Variants in NPAS3 observed in about 807,000 individuals in gnomAD.
The protein encoded by NPAS3 is neuronal PAS domain-containing protein 3.
A neutral mutation model predicts 73.1 loss-of-function variants in NPAS3; 14 were observed. That is an observed-to-expected ratio of 0.19 (90% CI 0.13 to 0.30). NPAS3 has a LOEUF of 0.30. Among genes scored for constraint, NPAS3 ranks in the 10% least tolerant of loss-of-function variants. NPAS3 has a pLI of 1.00. For missense variants in NPAS3, 1,096 were observed against 1,250.0 expected (o/e 0.88, Z 1.86); for synonymous variants, 620 against 541.5 (o/e 1.14, Z -2.01).
intron 4 of NPAS3, among the ~76,000 whole-genome samples, chr14:33,496,561 A>C (rs1252211892): frequency 2.0e-5 from 3 of 152,188 alleles, no homozygotes; most frequent in Admixed American, 1.3e-4. Context: ...CAAATAAATA[A>C]ACGTAATCCA....
At chr14:33,776,650 A>G (rs61335936) in intron 8 of NPAS3, among the ~76,000 whole-genome samples, 8,802 of 151,408 alleles carry the variant, frequency 0.058, 804 homozygotes, top group African/African-American at 0.2. Context: ...ACCTGTATGA[A>G]AGGTAATTGC....
At chr14:33,133,507 A>C (rs1025448305) in intron 2 of NPAS3, among the ~76,000 whole-genome samples, 1 of 152,200 alleles carries the variant, frequency 6.6e-6, no homozygotes, top group Non-Finnish European at 1.5e-5. Context: ...GTAACTTCCC[A>C]ACTAAACTCT....
rs371296516 is a variant in NPAS3 at position 33,748,154 on chromosome 14, A to G, written c.852+12822A>G. Among the ~76,000 whole-genome samples, 8 of 152,358 alleles carry G rather than the reference A, an allele frequency of 5.3e-5. No individual in the cohort carries two copies. The East Asian group carries it at 9.6e-4, about 18-fold the overall frequency. On this transcript the variant is annotated intron_variant, in intron 7 of 11. Coordinates refer to ENST00000356141, the Ensembl canonical transcript of NPAS3. ...TATTAGACATGATTTGTACTAAGCC[A>G]GAACATATTTCTTCCTTGGGTCAGT...
chr14:33,517,764 C>T (rs556960084), intron 4 of NPAS3, among the ~76,000 whole-genome samples: 1 of 152,198 alleles, frequency 6.6e-6, no homozygotes, highest in South Asian at 2.1e-4. Context: ...CATATTTGCC[C>T]ATCTAGTTCC....
chr14:33,776,521 TAAAAAAAAAAAAAA>T (rs552348267), intron 8 of NPAS3, among the ~76,000 whole-genome samples: 22 of 32,054 alleles, frequency 6.9e-4, no homozygotes, highest in East Asian at 2.2e-3. Flanking sequence ...TTCTTCCTCT[TAAAAAAAAAAAAAA>T]AAAAAAAAAA....
chr14:33,130,507 A>G (rs2139102273), intron 2 of NPAS3, among the ~76,000 whole-genome samples: 1 of 152,306 alleles, frequency 6.6e-6, no homozygotes, highest in Non-Finnish European at 1.5e-5. Flanking sequence ...TGTTATTTCT[A>G]TGACATCTGA....
intron 2 of NPAS3, among the ~76,000 whole-genome samples, chr14:33,139,377 T>A (rs1254009377): frequency 6.6e-6 from 1 of 152,190 alleles, no homozygotes; most frequent in African/African-American, 2.4e-5. Flanking sequence ...ACATTGTTAC[T>A]TCCAAAATTA....
At chr14:33,367,118 T>A (rs2045877610) in intron 3 of NPAS3, 68 bp from the exon 4 acceptor site, 1 of 717,860 alleles carries the variant, frequency 1.4e-6, no homozygotes, top group Non-Finnish European at 2.4e-6. Flanking sequence ...CAAGAGAAAC[T>A]AAGCTGAAGA....
chr14:33,449,751 T>C (rs1435898315), intron 4 of NPAS3, among the ~76,000 whole-genome samples: 1 of 152,212 alleles, frequency 6.6e-6, no homozygotes, highest in Non-Finnish European at 1.5e-5. Context: ...TGGATTACCC[T>C]CTTTTATTCC....
intron 5 of NPAS3, among the ~76,000 whole-genome samples, chr14:33,674,628 A>G (rs2059705821): frequency 6.6e-6 from 1 of 152,186 alleles, no homozygotes; most frequent in Non-Finnish European, 1.5e-5. Context: ...AGCAATAACA[A>G]ATGGAGGAAA....
intron 3 of NPAS3, among the ~76,000 whole-genome samples, chr14:33,322,323 A>G (rs1050813124): frequency 6.6e-6 from 1 of 152,214 alleles, no homozygotes; most frequent in East Asian, 1.9e-4. Context: ...TTGATGTGTC[A>G]TGGTAATAGA....
At chr14:33,765,324 A>T (rs746576361) in intron 7 of NPAS3, among the ~76,000 whole-genome samples, 2 of 151,700 alleles carry the variant, frequency 1.3e-5, no homozygotes, top group Admixed American at 1.3e-4. Context: ...AAGAGTGAAA[A>T]ATTACCAGCA....
rs184139833 is a variant in NPAS3 at position 33,391,874 on chromosome 14, T to G, written c.468+24606T>G. On this transcript the variant is annotated intron_variant, in intron 4 of 11. Transcript: ENST00000356141. ...GATCAAACTCCCAGATATACTTAATTTCTAACATACGATGATTTAAAAATG... is the reference window on the plus strand; with the variant it reads ...GATCAAACTCCCAGATATACTTAATGTCTAACATACGATGATTTAAAAATG... Among the ~76,000 whole-genome samples, 83 of 152,280 alleles carry G rather than the reference T, an allele frequency of 5.5e-4. 1 individual carries two copies. The highest frequency in any genetic ancestry group is 1.6e-3 in the African/African-American group (65 of 41,552).
intron 2 of NPAS3, among the ~76,000 whole-genome samples, chr14:33,204,756 C>A (rs1406188769): frequency 2.0e-5 from 3 of 152,236 alleles, no homozygotes; most frequent in South Asian, 2.1e-4. Flanking sequence ...CTGGTTAAGA[C>A]CCTTGTGGGA....
At position 33,328,446 on chromosome 14, in the gene NPAS3, C is replaced by CTTTTTT. The variant is rs58411120; in HGVS notation, c.386-38707_386-38702dup. Among the ~76,000 whole-genome samples, 162 of 49,600 alleles carry CTTTTTT rather than the reference C, an allele frequency of 3.3e-3. 58 individuals carry two copies. The highest frequency in any genetic ancestry group is 4.7e-3 in the Non-Finnish European group (127 of 26,760). The allele number at this position is 49,600 out of a possible 152,430, so 32.5% of individuals were successfully genotyped here. A position where few individuals can be genotyped will look rare whatever the true frequency, so the allele number is the denominator to read the frequency against. On this transcript the variant is annotated intron_variant, in intron 3 of 11. Transcript: ENST00000356141. ...TTTATCTTTCTTTTCCTTTTCTTTT[C>CTTTTTT]TTTTTTTTTTTTTTTTTTTTTTTTT...
intron 1 of NPAS3, among the ~76,000 whole-genome samples, chr14:33,025,362 A>G (rs187013072): frequency 1.1e-4 from 17 of 152,196 alleles, no homozygotes; most frequent in African/African-American, 4.1e-4. Flanking sequence ...TTGAATATAT[A>G]ATACACATAA....
At chr14:33,569,427 T>C (rs11621217) in intron 5 of NPAS3, among the ~76,000 whole-genome samples, 38,081 of 151,906 alleles carry the variant, frequency 0.25, 5,280 homozygotes, top group African/African-American at 0.36. Context: ...TTGGTGAACC[T>C]AGGAAGTATG....
intron 2 of NPAS3, among the ~76,000 whole-genome samples, chr14:33,091,281 G>T (rs536682935): frequency 2.6e-5 from 4 of 152,150 alleles, no homozygotes; most frequent in African/African-American, 9.6e-5. Flanking sequence ...GAATCAAATA[G>T]ATGCAATAAA....
chr14:33,204,698 C>A (rs1420625378), intron 2 of NPAS3, among the ~76,000 whole-genome samples: 1 of 152,034 alleles, frequency 6.6e-6, no homozygotes, highest in Non-Finnish European at 1.5e-5. Context: ...TCCGAGGGGA[C>A]CATAAAGGAC....
Sources: allele counts gnomAD v4.1 joint callset (sites outside exome capture counted in the v4.1 genomes callset), GRCh38; gene constraint gnomAD v4.1.1; transcripts MANE v1.5; gene names NCBI Gene and HGNC (gene_info 2026-07-23, HGNC 2026-07-21).